The following MARCHF1 variants were observed in gnomAD, a reference collection of about 807,000 sequenced individuals.
The protein encoded by MARCHF1 is membrane associated ring-CH-type finger 1, also known as E3 ubiquitin-protein ligase MARCHF1.
In MARCHF1, 40 loss-of-function variants were observed where a neutral mutation model predicts 54.2. The ratio of observed to expected loss-of-function variants is 0.74; its 90% CI spans 0.57 to 0.96. The LOEUF (loss-of-function observed/expected upper bound fraction) is 0.96. Among genes scored for constraint, MARCHF1 ranks in the 40% least tolerant of loss-of-function variants. The pLI, the probability that MARCHF1 is intolerant of heterozygous loss-of-function variation, is 0.00. For synonymous variants in MARCHF1, 236 were observed against 236.3 expected (o/e 1.00, Z 0.01); for missense variants, 586 against 656.5 (o/e 0.89, Z 1.17).
Position 164,190,024 on chromosome 4 carries a change from A to T in MARCHF1, c.-322-78362T>A. On this transcript the variant is annotated intron_variant, in intron 1 of 9. Coordinates refer to ENST00000514618, the MANE Select transcript of MARCHF1 (RefSeq NM_001394959.1). ...AATGATGCTGAGAAGTTTGCTGAGGAAGACACAAAGCTCAAGGAGTGCATT... is the reference window on the plus strand; with the variant it reads ...AATGATGCTGAGAAGTTTGCTGAGGTAGACACAAAGCTCAAGGAGTGCATT... The T allele has an allele frequency of 1.6e-5, 22 of 1,396,994 alleles. No individual in the cohort carries two copies. The South Asian group carries it at 2.5e-4, about 16-fold the overall frequency. The allele number at this position is 1,396,994 out of a possible 1,614,324, so 86.5% of individuals were successfully genotyped here.
intron 1 of MARCHF1, among the ~76,000 whole-genome samples, chr4:164,221,408 T>A: frequency 6.6e-6 from 1 of 151,900 alleles, no homozygotes; most frequent in Admixed American, 6.6e-5. Flanking sequence ...GTGGAAGAAC[T>A]AAATACTCAG....
At chr4:163,880,967 C>G (rs1164320211) in intron 3 of MARCHF1, among the ~76,000 whole-genome samples, 1 of 151,928 alleles carries the variant, frequency 6.6e-6, no homozygotes, top group Admixed American at 6.6e-5. Context: ...CAGGGAATCA[C>G]CTAAGGAAGA....
chr4:163,757,656 C>A (rs1030706091), intron 4 of MARCHF1, among the ~76,000 whole-genome samples: 1 of 152,068 alleles, frequency 6.6e-6, no homozygotes, highest in Non-Finnish European at 1.5e-5. Flanking sequence ...CATAGAAACA[C>A]AAAACTAGTC....
chr4:163,909,024 A>G (rs1455567704), intron 3 of MARCHF1, among the ~76,000 whole-genome samples: 2 of 152,146 alleles, frequency 1.3e-5, no homozygotes, highest in Admixed American at 1.3e-4. Flanking sequence ...GGAAAAGAAA[A>G]TCAATAACAC....
chr4:163,527,005 A>ATAAT lies in MARCHF1; in HGVS notation c.*1739_*1742dup, dbSNP rs1738133282. ...TGATCTGTGAAGAACAAGCACACTG[A>ATAAT]TAATTACAAAGTGCATCCATGTGAT... On this transcript the variant is annotated 3_prime_UTR_variant, in exon 10 of 10. Transcript: ENST00000514618. 1 of 151,818 alleles carries ATAAT rather than the reference A, an allele frequency of 6.6e-6. No homozygotes were observed. Among genetic ancestry groups the ATAAT allele is most frequent in the African/African-American group, 2.4e-5 (1 of 41,362 alleles). The allele number at this position is 151,818 out of a possible 1,614,324, so 9.4% of individuals were successfully genotyped here.
chr4:164,324,767 T>A (rs1735229690), intron 1 of MARCHF1, among the ~76,000 whole-genome samples: 1 of 151,236 alleles, frequency 6.6e-6, no homozygotes. Context: ...AACAAGAAAG[T>A]TTTACATCTA....
Position 164,307,097 on chromosome 4 carries a change from G to C in MARCHF1, c.-323+76773C>G, listed in dbSNP as rs540748277. On this transcript the variant is annotated intron_variant, in intron 1 of 9. Transcript: ENST00000514618. ...GCTTGAACAAAAGATCTAAGATTGGGGGAACACAGGAGATGCAGAAACTAC... is the reference window on the plus strand; with the variant it reads ...GCTTGAACAAAAGATCTAAGATTGGCGGAACACAGGAGATGCAGAAACTAC... 4.6e-5 allele frequency among the ~76,000 whole-genome samples: 7 copies of C among 152,108 alleles called. No individual in the cohort carries two copies. The East Asian group carries it at 9.7e-4, about 21-fold the overall frequency.
intron 1 of MARCHF1, among the ~76,000 whole-genome samples, chr4:164,245,013 G>A (rs984906204): frequency 2.4e-4 from 37 of 152,234 alleles, no homozygotes; most frequent in Admixed American, 7.9e-4. Context: ...ATACACAGCC[G>A]AATTCTACCA....
intron 5 of MARCHF1, among the ~76,000 whole-genome samples, chr4:163,628,472 C>T (rs1187507276): frequency 6.6e-6 from 1 of 152,184 alleles, no homozygotes; most frequent in African/African-American, 2.4e-5. Context: ...GAAGCATTCT[C>T]TTTGAAAACT....
intron 5 of MARCHF1, among the ~76,000 whole-genome samples, chr4:163,614,703 T>C (rs779754628): frequency 5.9e-5 from 9 of 152,074 alleles, no homozygotes; most frequent in Non-Finnish European, 1.2e-4. Flanking sequence ...AATCTTTGGA[T>C]AGTGAATATT....
Position 163,722,954 on chromosome 4 carries a change from C to G in MARCHF1, c.112-22091G>C, listed in dbSNP as rs141997641. On this transcript the variant is annotated intron_variant, in intron 4 of 9. Transcript: ENST00000514618. ...AGATGGGTTTCCTGAATAAAGCACA[C>G]TGATGGGTCTTGACTCTTTATCCAA... 7.5e-3 allele frequency among the ~76,000 whole-genome samples: 1,147 copies of G among 152,270 alleles called. 8 individuals are homozygous for G. Among genetic ancestry groups the G allele is most frequent in the South Asian group, 0.021 (101 of 4,826 alleles).
At chr4:163,719,857 C>T (rs184151945) in intron 4 of MARCHF1, among the ~76,000 whole-genome samples, 37 of 152,144 alleles carry the variant, frequency 2.4e-4, no homozygotes, top group Non-Finnish European at 4.4e-4. Flanking sequence ...TCATATTCTT[C>T]GCCCGCTTGT....
At chr4:163,737,699 C>T (rs1746087753) in intron 4 of MARCHF1, among the ~76,000 whole-genome samples, 1 of 123,610 alleles carries the variant, frequency 8.1e-6, no homozygotes, top group African/African-American at 2.6e-5. Flanking sequence ...CAAATCAAAA[C>T]CACTATGAGA....
At chr4:164,091,865 TGTG>T (rs1308969418) in intron 2 of MARCHF1, among the ~76,000 whole-genome samples, 1 of 1,590 alleles carries the variant, frequency 6.3e-4, no homozygotes, top group Non-Finnish European at 1.4e-3. Context: ...TATACTTTTG[TGTG>T]TGTGTGTGTG....
At chr4:164,269,118 A>G (rs964314434) in intron 1 of MARCHF1, among the ~76,000 whole-genome samples, 2 of 152,150 alleles carry the variant, frequency 1.3e-5, no homozygotes, top group Non-Finnish European at 2.9e-5. Context: ...TGCCAATGAC[A>G]AGGCAAAGTC....
chr4:163,710,395 T>C (rs1745071953), intron 4 of MARCHF1, among the ~76,000 whole-genome samples: 1 of 152,188 alleles, frequency 6.6e-6, no homozygotes. Flanking sequence ...TACACATTTA[T>C]TAATCACGAC....
chr4:164,010,264 T>A (rs4056329), intron 2 of MARCHF1, among the ~76,000 whole-genome samples: 70,697 of 150,006 alleles, frequency 0.47, 17,992 homozygotes, highest in South Asian at 0.57. Context: ...GGTTTTTTTT[T>A]TTTTCTGTAT....
intron 5 of MARCHF1, among the ~76,000 whole-genome samples, chr4:163,638,889 T>C (rs1378078511): frequency 1.3e-5 from 2 of 152,206 alleles, no homozygotes; most frequent in East Asian, 1.9e-4. Context: ...TGCAACAACA[T>C]TGTTGAAACT....
chr4:163,634,167 A>G (rs1445346493), intron 5 of MARCHF1, among the ~76,000 whole-genome samples: 5 of 152,142 alleles, frequency 3.3e-5, no homozygotes, highest in South Asian at 2.1e-4. Context: ...GACCATAGAG[A>G]CTAGGAAGAA....
Sources: allele counts gnomAD v4.1 joint callset (sites outside exome capture counted in the v4.1 genomes callset), GRCh38; gene constraint gnomAD v4.1.1; transcripts MANE v1.5; gene names NCBI Gene and HGNC (gene_info 2026-07-23, HGNC 2026-07-21).